Variants in MTMR14 observed in about 807,000 individuals in gnomAD.
The protein encoded by MTMR14 is myotubularin related protein 14, also known as phosphatidylinositol-3,5-bisphosphate 3-phosphatase MTMR14.
Under a neutral mutation model 86.3 loss-of-function variants are expected in MTMR14, and 48 were observed. That is an observed-to-expected ratio of 0.56 (90% confidence interval 0.44 to 0.71). The LOEUF (loss-of-function observed/expected upper bound fraction) is 0.71, where lower values mean the gene tolerates loss of function less well. Among genes scored for constraint, MTMR14 ranks in the 30% least tolerant of loss-of-function variants. The pLI is 0.00. For missense variants in MTMR14, 780 were observed against 834.6 expected (o/e 0.93, Z 0.81); for synonymous variants, 366 against 326.1 (o/e 1.12, Z -1.32).
Position 9,672,575 on chromosome 3 carries a change from T to C in MTMR14, c.678-110T>C. On this transcript the variant is annotated intron_variant, in intron 6 of 18. Coordinates refer to ENST00000296003, the MANE Select transcript of MTMR14 (RefSeq NM_001077525.3). The stretch of plus-strand genomic sequence containing the variant: ...GAAGGGAATTATTAACAATGAAGAA[T>C]AGTTTTTTTTAGCAGAAGCTTCATT... 6.4e-6 allele frequency: 6 copies of C among 939,740 alleles called. No individual in the cohort carries two copies. The South Asian group carries it at 7.8e-5, about 12-fold the overall frequency. 58.2% of individuals were successfully genotyped at this position (939,740 alleles called of 1,614,324 possible).
chr3:9,649,839 A>C (rs2124868776), intron 1 of MTMR14, 97 bp downstream of exon 1: 23 of 1,563,150 alleles, frequency 1.5e-5, no homozygotes, highest in Admixed American at 5.8e-5. Context: ...TAGGAGTGGT[A>C]CCTCGCCGCT....
At position 9,668,760 on chromosome 3, in the gene MTMR14, G is replaced by A. The variant is rs2048398293; in HGVS notation, c.459G>A (p.Leu153=). ...RSATLAGWGE[L]YGRSGYNYFF... is the part of the protein sequence containing the mutation. Reference sequence around the variant, plus strand: ...CCACACTGGCTGGATGGGGAGAGCTGTATGGACGCTCAGGCTACAACTATT... The same window carrying A: ...CCACACTGGCTGGATGGGGAGAGCTATATGGACGCTCAGGCTACAACTATT... Residue 153 remains leucine (L), a synonymous_variant, in exon 4 of 19, where the codon CTG becomes CTA. Transcript: ENST00000296003. 2.5e-6 allele frequency: 4 copies of A among 1,614,192 alleles called. No individual in the cohort carries two copies. The highest frequency in any genetic ancestry group is 3.4e-6 in the Non-Finnish European group (4 of 1,180,036).
intron 4 of MTMR14, 150 bp downstream of exon 4, chr3:9,668,944 C>T (rs2048413101): frequency 3.6e-6 from 3 of 830,528 alleles, no homozygotes; most frequent in Admixed American, 3.9e-5. Context: ...TCGAGACCAT[C>T]CTGGCTAACA....
rs145701735 is a variant in MTMR14, at chr3:9,662,013, G to A, written c.309-254G>A. 2.3e-3 allele frequency among the ~76,000 whole-genome samples: 343 copies of A among 151,934 alleles called. 4 individuals carry two copies. The highest frequency in any genetic ancestry group is 0.019 in the East Asian group (98 of 5,170). On this transcript the variant is annotated intron_variant, in intron 2 of 18. Transcript: ENST00000296003. ...TGAGACAGGAGAATTGCTTGAACCC[G>A]GGAGGCAGAGGCTGTGGTGAGCCAA...
At chr3:9,686,176 C>T (rs373619324) in intron 13 of MTMR14, among the ~76,000 whole-genome samples, 6 of 152,240 alleles carry the variant, frequency 3.9e-5, no homozygotes, top group Non-Finnish European at 7.3e-5. Context: ...GAACACTTAT[C>T]GCGTCTGCCA....
intron 9 of MTMR14, 85 bp downstream of exon 9, chr3:9,678,143 G>C (rs550403481): frequency 6.4e-6 from 9 of 1,400,426 alleles, no homozygotes; most frequent in Admixed American, 1.8e-5. Flanking sequence ...CAAGGCCCTC[G>C]TGTGTTTGCC....
At chr3:9,687,626 C>G (rs570318370) in intron 13 of MTMR14, among the ~76,000 whole-genome samples, 195 bp from the exon 14 acceptor site, 1 of 152,020 alleles carries the variant, frequency 6.6e-6, no homozygotes, top group Non-Finnish European at 1.5e-5. Flanking sequence ...TGCCTTGCCC[C>G]GGCCCACATG....
At chr3:9,700,368 C>A (rs984466528) in intron 18 of MTMR14, 7 of 152,168 alleles carry the variant, frequency 4.6e-5, no homozygotes, top group African/African-American at 1.7e-4. Context: ...CTAGAGAGGG[C>A]CCTCCAGGGA....
At chr3:9,659,466 C>T (rs1333904575) in intron 2 of MTMR14, among the ~76,000 whole-genome samples, 2 of 142,998 alleles carry the variant, frequency 1.4e-5, no homozygotes, top group African/African-American at 2.7e-5. Flanking sequence ...TTTTTTAAGA[C>T]GGAGTCTCAT....
intron 6 of MTMR14, 57 bp downstream of exon 6, chr3:9,671,227 GC>G: frequency 1.2e-6 from 2 of 1,612,264 alleles, no homozygotes; most frequent in South Asian, 2.2e-5. Flanking sequence ...GATTTGCAGG[GC>G]TGGCGTTAGT....
At chr3:9,669,810 G>T (rs1242733639) in intron 5 of MTMR14, among the ~76,000 whole-genome samples, 4 of 152,182 alleles carry the variant, frequency 2.6e-5, no homozygotes, top group African/African-American at 9.7e-5. Flanking sequence ...AAGCCCCACA[G>T]AGTTGCCAGT....
intron 2 of MTMR14, among the ~76,000 whole-genome samples, chr3:9,660,781 G>T (rs2047885578): frequency 6.6e-6 from 1 of 152,262 alleles, no homozygotes; most frequent in Non-Finnish European, 1.5e-5. Context: ...CTAGGAGTTG[G>T]TCTGAAAGCT....
At chr3:9,669,544 G>A (rs1175247578) in intron 5 of MTMR14, 52 bp downstream of exon 5, 3 of 1,562,810 alleles carry the variant, frequency 1.9e-6, no homozygotes, top group Non-Finnish European at 2.6e-6. Context: ...TGGGGTGTCT[G>A]GCCAGAGATG....
At chr3:9,650,776 T>A (rs1226182499) in intron 1 of MTMR14, among the ~76,000 whole-genome samples, 2 of 151,564 alleles carry the variant, frequency 1.3e-5, no homozygotes, top group Non-Finnish European at 2.9e-5. Flanking sequence ...GGTGGGATCC[T>A]GGAATTTGCT....
rs2075893674 is a variant in MTMR14, at chr3:9,685,096, C to T, written c.1128-115C>T. ...CTCGAGAAGGACCGAAGCTGCTGAT[C>T]AGGCCCCACCTGCCACGCTGGTGCC... On this transcript the variant is annotated intron_variant, in intron 12 of 18. Coordinates refer to ENST00000296003, the MANE Select transcript of MTMR14 (RefSeq NM_001077525.3). 4.6e-6 allele frequency: 7 copies of T among 1,512,268 alleles called. No individual in the cohort carries two copies. In the Admixed American group the frequency reaches 1.0e-4, roughly 22 times the overall value. 93.7% of individuals were successfully genotyped at this position (1,512,268 alleles called of 1,614,324 possible). A position where few individuals can be genotyped will look rare whatever the true frequency, so the allele number is the denominator to read the frequency against.
rs148455527 is a variant in MTMR14 at position 9,652,973 on chromosome 3, A to G, written c.160-648A>G. On this transcript the variant is annotated intron_variant, in intron 1 of 18. Coordinates refer to ENST00000296003, the MANE Select transcript of MTMR14 (RefSeq NM_001077525.3). ...AAATAAAGGCCGGGTGCCGTGGCTC[A>G]CGCCTGTAATCCCAGCACTTGGGGA... Among the ~76,000 whole-genome samples, 385 of 152,218 alleles carry G rather than the reference A, an allele frequency of 2.5e-3. 7 individuals carry two copies. In the East Asian group the frequency reaches 0.031, roughly 12 times the overall value.
rs771602871 is a variant in MTMR14 at position 9,697,776 on chromosome 3, C to T, written c.1679C>T (p.Thr560Met). 2 of 1,614,056 alleles carry T rather than the reference C, an allele frequency of 1.2e-6. No homozygotes were observed. Among genetic ancestry groups the T allele is most frequent in the Admixed American group, 1.7e-5 (1 of 60,014 alleles). ...GACTATGGCAGCTGGCAGATGGTAA[C>T]GGGCTGTGGCAGTATTCAGGAGCGG... ...STDYGSWQMV[T>M]GCGSIQERAV... The change falls in exon 18 of 19, where the codon ACG (threonine) becomes ATG (methionine). Residue 560 changes from threonine to methionine, a missense_variant. Transcript: ENST00000296003.
At chr3:9,683,323 T>A in intron 10 of MTMR14, 79 bp downstream of exon 10, 1 of 1,342,862 alleles carries the variant, frequency 7.4e-7, no homozygotes, top group African/African-American at 1.4e-5. Context: ...AACTGTATGT[T>A]TGTTGGAGTT....
chr3:9,698,002 C>A, intron 18 of MTMR14, 136 bp downstream of exon 18: 1 of 1,270,728 alleles, frequency 7.9e-7, no homozygotes, highest in Non-Finnish European at 1.1e-6. Flanking sequence ...CTCTCAGCTG[C>A]TGGACCCGAG....
Sources: gnomAD v4.1 joint callset for allele counts (sites outside exome capture counted in the v4.1 genomes callset) on GRCh38, gnomAD v4.1.1 for gene constraint, MANE v1.5 for transcripts, NCBI Gene and HGNC (gene_info 2026-07-23, HGNC 2026-07-21) for gene names.